The following OAT variants were observed in gnomAD, a reference collection of about 807,000 sequenced individuals.
OAT encodes the protein ornithine aminotransferase.
A neutral mutation model predicts 48.4 loss-of-function variants in OAT; 35 were observed. The observed-to-expected ratio is 0.72, with a 90% CI of 0.55 to 0.96. The LOEUF is 0.96. OAT is among the 40% of genes least tolerant of loss of function. The pLI, the probability that OAT is intolerant of heterozygous loss-of-function variation, is 0.00. For synonymous variants in OAT, 182 were observed against 198.4 expected, an observed-to-expected ratio of 0.92 and a Z score of 0.70; for missense variants, 438 against 537.9, an observed-to-expected ratio of 0.81 and a Z score of 1.84.
At chr10:124,401,045 C>T in intron 8 of OAT, 61 bp from the exon 9 acceptor site, 3 of 1,215,266 alleles carry the variant, frequency 2.5e-6, no homozygotes, top group Non-Finnish European at 3.6e-6. Flanking sequence ...TTTTGGAGGA[C>T]AACGGGGACT....
chr10:124,401,376 C>T (rs1191567602), intron 8 of OAT, among the ~76,000 whole-genome samples: 2 of 152,164 alleles, frequency 1.3e-5, no homozygotes, highest in African/African-American at 4.8e-5. Context: ...AAAAATCAGT[C>T]TGAAAACATT....
At chr10:124,398,659 C>CAA (rs33917094) in intron 9 of OAT, among the ~76,000 whole-genome samples, 5,048 of 132,062 alleles carry the variant, frequency 0.038, 288 homozygotes, top group African/African-American at 0.13. Flanking sequence ...AAGACCAAGC[C>CAA]AAAAAAAAAA....
intron 1 of OAT, among the ~76,000 whole-genome samples, chr10:124,416,026 A>G (rs750140761): frequency 1.3e-5 from 2 of 152,216 alleles, no homozygotes; most frequent in Non-Finnish European, 2.9e-5. Flanking sequence ...CATGATAACC[A>G]TTAACATTTG....
At chr10:124,400,530 G>A (rs1456624922) in intron 9 of OAT, among the ~76,000 whole-genome samples, 1 of 151,492 alleles carries the variant, frequency 6.6e-6, no homozygotes, top group African/African-American at 2.4e-5. Flanking sequence ...CAACGCAGGT[G>A]GATCACGAGG....
At chr10:124,400,112 T>C (rs1224668280) in intron 9 of OAT, among the ~76,000 whole-genome samples, 1 of 152,192 alleles carries the variant, frequency 6.6e-6, no homozygotes, top group Non-Finnish European at 1.5e-5. Context: ...TTGGTCATTA[T>C]GTCAGTCAGC....
Position 124,401,281 on chromosome 10 carries a change from C to T in OAT, c.1015-297G>A, listed in dbSNP as rs180735076. Among the ~76,000 whole-genome samples, 321 of 152,328 alleles carry T rather than the reference C, an allele frequency of 2.1e-3. 1 individual carries two copies. Among genetic ancestry groups the T allele is most frequent in the Non-Finnish European group, 3.0e-3 (206 of 68,028 alleles). On this transcript the variant is annotated intron_variant, in intron 8 of 9. Coordinates refer to ENST00000368845, the MANE Select transcript of OAT (RefSeq NM_000274.4). ...ATACATCAATGGACGAAATGTAATTCCTAAACTGCAATAGTTTCTTCCCCC... is the reference window on the plus strand; with the variant it reads ...ATACATCAATGGACGAAATGTAATTTCTAAACTGCAATAGTTTCTTCCCCC...
chr10:124,410,858 T>A (rs1374339059), intron 2 of OAT, among the ~76,000 whole-genome samples: 1 of 151,982 alleles, frequency 6.6e-6, no homozygotes, highest in Non-Finnish European at 1.5e-5. Context: ...AGATGTCATG[T>A]GGCGGGGCGC....
intron 9 of OAT, among the ~76,000 whole-genome samples, chr10:124,400,026 C>A (rs999817127): frequency 6.6e-6 from 1 of 152,116 alleles, no homozygotes; most frequent in Non-Finnish European, 1.5e-5. Context: ...GTTAAATGTG[C>A]CTTCATTTAG....
At chr10:124,410,487 A>G (rs1353639679) in intron 2 of OAT, among the ~76,000 whole-genome samples, 1 of 152,192 alleles carries the variant, frequency 6.6e-6, no homozygotes, top group Non-Finnish European at 1.5e-5. Context: ...TAAGTTCTTG[A>G]TTTTTACAAT....
intron 9 of OAT, among the ~76,000 whole-genome samples, chr10:124,399,915 C>A (rs1358245786): frequency 1.3e-5 from 2 of 152,188 alleles, no homozygotes; most frequent in Non-Finnish European, 2.9e-5. Context: ...AGGACACTTT[C>A]AAGTCCAGAC....
chr10:124,399,641 G>A (rs1951344761), intron 9 of OAT, among the ~76,000 whole-genome samples: 1 of 152,004 alleles, frequency 6.6e-6, no homozygotes, highest in Admixed American at 6.6e-5. Context: ...CACCGCGCCC[G>A]GCCCCTCAGG....
intron 1 of OAT, among the ~76,000 whole-genome samples, chr10:124,413,570 C>T (rs568246858): frequency 3.3e-5 from 5 of 152,162 alleles, no homozygotes; most frequent in Admixed American, 1.3e-4. Flanking sequence ...GTAATCCCAG[C>T]GACTCAGGAG....
At chr10:124,401,589 A>T in intron 8 of OAT, 137 bp downstream of exon 8, 1 of 697,842 alleles carries the variant, frequency 1.4e-6, no homozygotes, top group South Asian at 1.5e-5. Context: ...TTGTTCCTAA[A>T]ATTTTTCCTC....
At chr10:124,411,165 G>GAA (rs1564738881) in intron 2 of OAT, among the ~76,000 whole-genome samples, 1 of 75,250 alleles carries the variant, frequency 1.3e-5, no homozygotes, top group African/African-American at 5.0e-5. Flanking sequence ...AAAAAAAAAA[G>GAA]AAGAAGAGAT....
At chr10:124,410,260 T>A (rs1463230974) in intron 2 of OAT, among the ~76,000 whole-genome samples, 2 of 152,148 alleles carry the variant, frequency 1.3e-5, no homozygotes, top group Non-Finnish European at 2.9e-5. Flanking sequence ...AGTTCATGAG[T>A]AACTGGATAT....
intron 1 of OAT, among the ~76,000 whole-genome samples, chr10:124,416,520 T>C (rs1951922325): frequency 6.6e-6 from 1 of 152,164 alleles, no homozygotes; most frequent in Admixed American, 6.6e-5. Flanking sequence ...CTGACGCCCA[T>C]ACTCAGGTCC....
At chr10:124,409,985 T>C (rs1396843511) in intron 2 of OAT, among the ~76,000 whole-genome samples, 2 of 152,210 alleles carry the variant, frequency 1.3e-5, no homozygotes. Flanking sequence ...GGTTGCCATG[T>C]CATGTAATAT....
intron 9 of OAT, among the ~76,000 whole-genome samples, chr10:124,398,686 G>T (rs1371808731): frequency 6.7e-6 from 1 of 150,108 alleles, no homozygotes; most frequent in Non-Finnish European, 1.5e-5. Context: ...ATGTGCTAAG[G>T]CTGCTGTATT....
Position 124,418,920 on chromosome 10 carries a change from CA to C in OAT, c.-78del, listed in dbSNP as rs1390156752. Reference sequence around the variant, plus strand: ...GGGTACACGCGGCGTCTATGAAGCGCAACAGTGACGCCGGAGAGTCACTGCA... The same window carrying C: ...GGGTACACGCGGCGTCTATGAAGCGCACAGTGACGCCGGAGAGTCACTGCA... On this transcript the variant is annotated 5_prime_UTR_variant, in exon 1 of 10. Transcript: ENST00000368845. The C allele has an allele frequency of 6.6e-6, 1 of 152,300 alleles. No homozygotes were observed. Among genetic ancestry groups the C allele is most frequent in the East Asian group, 1.9e-4 (1 of 5,186 alleles). 9.4% of individuals were successfully genotyped at this position (152,300 alleles called of 1,614,324 possible).
Sources: allele counts gnomAD v4.1 joint callset (sites outside exome capture counted in the v4.1 genomes callset), GRCh38; gene constraint gnomAD v4.1.1; transcripts MANE v1.5; gene names NCBI Gene and HGNC (gene_info 2026-07-23, HGNC 2026-07-21).